AHDC1: variants seen among roughly 807,000 people sequenced by gnomAD.
AHDC1 encodes the protein AT-hook DNA binding motif containing 1, also known as transcription factor Gibbin.
AHDC1 carries 7 observed loss-of-function variants against 87.9 expected under a neutral mutation model. The observed-to-expected ratio is 0.08, with a 90% CI of 0.05 to 0.15. The LOEUF is 0.15. Ranked by LOEUF, AHDC1 falls within the 10% of genes least tolerant of loss-of-function variation. The pLI, the probability that AHDC1 is intolerant of heterozygous loss-of-function variation, is 1.00. For synonymous variants in AHDC1, 1,051 were observed against 1,006.8 expected (o/e 1.04, Z -0.83); for missense variants, 1,841 against 2,253.2 (o/e 0.82, Z 3.70).
intron 5 of AHDC1, among the ~76,000 whole-genome samples, chr1:27,553,792 G>A (rs1024123510): frequency 3.3e-5 from 5 of 152,276 alleles, no homozygotes; most frequent in South Asian, 2.1e-4. Context: ...TTGGCCAGGC[G>A]CAGGGGCTCA....
intron 3 of AHDC1, among the ~76,000 whole-genome samples, chr1:27,568,616 G>A (rs2020426660): frequency 6.6e-6 from 1 of 151,944 alleles, no homozygotes; most frequent in Admixed American, 6.5e-5. Flanking sequence ...CCGGGCTCCC[G>A]GAGATTGGTA....
chr1:27,547,824 C>G lies in AHDC1; in HGVS notation c.4292G>C (p.Gly1431Ala), dbSNP rs1399286223. The G allele has an allele frequency of 6.5e-7, 1 of 1,550,294 alleles. No homozygotes were observed. Among genetic ancestry groups the G allele is most frequent in the Non-Finnish European group, 8.7e-7 (1 of 1,146,258 alleles). The change falls in exon 8 of 9, where the codon GGG (glycine) becomes GCG (alanine). Residue 1431 changes from glycine to alanine, a missense_variant. Around this residue, in one of 13 missense-constraint regions of AHDC1, gnomAD observed 505 missense variants for 626.2 expected, o/e 0.81. Coordinates refer to ENST00000673934, the MANE Select transcript of AHDC1 (RefSeq NM_001371928.1). This position sits in a 1 kb window ranked among gnomAD's most constrained non-coding sequence, Gnocchi z 4.9. ...ACEPLKHGLQ[G>A]ASLGHAAAAQ... ...TGCAGCTGCGTGGCCCAGGCTGGCC[C>G]CCTGGAGTCCATGCTTGAGGGGCTC...
chr1:27,591,779 C>T (rs2089229607), intron 3 of AHDC1, among the ~76,000 whole-genome samples: 1 of 152,210 alleles, frequency 6.6e-6, no homozygotes, highest in African/African-American at 2.4e-5. Flanking sequence ...TTTTCTCAGC[C>T]TCAGATTCCC....
In AHDC1 at chr1:27,550,267, C is replaced by T. The variant is rs771954132; in HGVS notation, c.1849G>A (p.Ala617Thr). The change falls in exon 8 of 9, where the codon GCC becomes ACC. Residue 617 changes from alanine to threonine, a missense_variant. Physicochemically the swap from Ala to Thr is moderately conservative, Grantham distance 58. Transcript: ENST00000673934. ...DSKAEYSDVL[A>T]KLAFLNRQSQ... Reference sequence around the variant, plus strand: ...TGGCGGTTCAGGAAGGCCAGCTTGGCCAGGACGTCTGAGTACTCGGCCTTG... The same window carrying T: ...TGGCGGTTCAGGAAGGCCAGCTTGGTCAGGACGTCTGAGTACTCGGCCTTG... The T allele has an allele frequency of 8.1e-6, 13 of 1,613,894 alleles. No individual in the cohort carries two copies. The highest frequency in any genetic ancestry group is 1.1e-5 in the Non-Finnish European group (13 of 1,179,992).
chr1:27,547,456 C>T lies in AHDC1; in HGVS notation c.4660G>A (p.Asp1554Asn), dbSNP rs556157635. The change falls in exon 8 of 9, where the codon GAC (aspartate) becomes AAC (asparagine). Residue 1554 changes from aspartate to asparagine, a missense_variant. Around this residue, in one of 13 missense-constraint regions of AHDC1, gnomAD observed 505 missense variants for 626.2 expected, o/e 0.81. Transcript: ENST00000673934. The surrounding 1 kb of genome is among the most constrained non-coding windows in gnomAD (Gnocchi z 4.9). ...SDLTLSPVPR[D>N]SLLPLQDTAY... Reference sequence around the variant, plus strand: ...GTGTCCTGCAGGGGCAGCAGCGAGTCCCTCGGCACGGGGGACAGGGTCAAG... The same window carrying T: ...GTGTCCTGCAGGGGCAGCAGCGAGTTCCTCGGCACGGGGGACAGGGTCAAG... 8 of 1,592,052 alleles carry T rather than the reference C, an allele frequency of 5.0e-6. No homozygotes were observed. The South Asian group carries it at 7.8e-5, about 16-fold the overall frequency.
chr1:27,564,769 C>T (rs1428342658), intron 3 of AHDC1, among the ~76,000 whole-genome samples: 1 of 152,162 alleles, frequency 6.6e-6, no homozygotes, highest in East Asian at 1.9e-4. Context: ...CTAAACCCCA[C>T]TTGGCCCAAA....
At chr1:27,541,622 G>A (rs1037791707) in intron 8 of AHDC1, among the ~76,000 whole-genome samples, 1 of 140,408 alleles carries the variant, frequency 7.1e-6, no homozygotes, top group African/African-American at 2.7e-5. Flanking sequence ...CCCGGCCCAT[G>A]TGGAGGTTTT....
Position 27,590,745 on chromosome 1 carries a change from C to G in AHDC1, c.-629+12652G>C, listed in dbSNP as rs747926184. ...CTCCGCCCTACTCATCACAATGAGT[C>G]AGAGGCAAAATCCAGTCATCTGGAC... On this transcript the variant is annotated intron_variant, in intron 3 of 8. Coordinates refer to ENST00000673934, the MANE Select transcript of AHDC1 (RefSeq NM_001371928.1). This position sits in a 1 kb window ranked among gnomAD's most constrained non-coding sequence, Gnocchi z 5.4. 2.6e-5 allele frequency among the ~76,000 whole-genome samples: 4 copies of G among 152,172 alleles called. No homozygotes were observed. Among genetic ancestry groups the G allele is most frequent in the Non-Finnish European group, 5.9e-5 (4 of 68,040 alleles).
rs1407819876 is a variant in AHDC1 at position 27,582,754 on chromosome 1, C to T, written c.-629+20643G>A. ...AAGCACTCCTCACAGAGCATCTCAT[C>T]GGAGGGGTCAGGTACTTTGATGACC... On this transcript the variant is annotated intron_variant, in intron 3 of 8. Coordinates refer to ENST00000673934, the MANE Select transcript of AHDC1 (RefSeq NM_001371928.1). Among the ~76,000 whole-genome samples the T allele has an allele frequency of 3.2e-4, 48 of 152,194 alleles. 1 individual carries two copies. The highest frequency in any genetic ancestry group is 2.7e-3 in the Admixed American group (42 of 15,278).
chr1:27,592,583 C>G (rs76966948), intron 3 of AHDC1, among the ~76,000 whole-genome samples: 1 of 150,906 alleles, frequency 6.6e-6, no homozygotes, highest in Admixed American at 6.6e-5. Context: ...CTCCCCCCCC[C>G]AGGCCCTGCT....
intron 8 of AHDC1, among the ~76,000 whole-genome samples, chr1:27,546,271 C>A (rs1041159597): frequency 2.0e-5 from 3 of 152,222 alleles, no homozygotes; most frequent in Non-Finnish European, 2.9e-5. Flanking sequence ...GGCTGTTCTT[C>A]AAGAAGATGG....
rs543361250 is a variant in AHDC1, at chr1:27,586,057, G to C, written c.-629+17340C>G. Among the ~76,000 whole-genome samples, 17 of 152,320 alleles carry C rather than the reference G, an allele frequency of 1.1e-4. No homozygotes were observed. The East Asian group carries it at 2.9e-3, about 26-fold the overall frequency. ...GGGCATGCTGTCTGGGCACTGGGGT[G>C]GGGGAGAGGGGAAAGGAGCTGCTGT... On this transcript the variant is annotated intron_variant, in intron 3 of 8. Transcript: ENST00000673934.
At position 27,558,069 on chromosome 1, in the gene AHDC1, T is replaced by C. The variant is rs2019906900; in HGVS notation, c.-225+236A>G. On this transcript the variant is annotated intron_variant, in intron 5 of 8. Transcript: ENST00000673934. This position sits in a 1 kb window ranked among gnomAD's most constrained non-coding sequence, Gnocchi z 5.6. ...ATGCTCCTTTGGAAGTAGGGTGGGG[T>C]CCCCAGGCAGGCTCAGCTCTAGGGA... Among the ~76,000 whole-genome samples the C allele has an allele frequency of 6.6e-6, 1 of 152,092 alleles. No individual in the cohort carries two copies. Among genetic ancestry groups the C allele is most frequent in the African/African-American group, 2.4e-5 (1 of 41,390 alleles).
intron 3 of AHDC1, among the ~76,000 whole-genome samples, chr1:27,601,684 G>T (rs1409850344): frequency 6.6e-6 from 1 of 152,190 alleles, no homozygotes; most frequent in Non-Finnish European, 1.5e-5. Flanking sequence ...CACCTGGGGG[G>T]TCCCCCCACA....
At chr1:27,571,482 C>T (rs534768221) in intron 3 of AHDC1, among the ~76,000 whole-genome samples, 3 of 151,988 alleles carry the variant, frequency 2.0e-5, no homozygotes, top group Non-Finnish European at 4.4e-5. Flanking sequence ...GGGGTCAGAC[C>T]GGACAGGCTT....
intron 7 of AHDC1, 137 bp from the exon 8 acceptor site, chr1:27,552,326 C>T: frequency 2.5e-6 from 2 of 806,970 alleles, no homozygotes; most frequent in Non-Finnish European, 3.4e-6. Flanking sequence ...CACCCCAAGC[C>T]CCATCCCCTT....
chr1:27,574,843 G>A (rs186948338), intron 3 of AHDC1, among the ~76,000 whole-genome samples: 65 of 152,258 alleles, frequency 4.3e-4, no homozygotes, highest in East Asian at 1.9e-4. Flanking sequence ...GCCCTGAGAG[G>A]TCACATACCT....
chr1:27,577,604 G>A (rs576532643), intron 3 of AHDC1, among the ~76,000 whole-genome samples: 132 of 152,180 alleles, frequency 8.7e-4, no homozygotes, highest in Non-Finnish European at 1.6e-3. Flanking sequence ...CCCAAGCAAG[G>A]AAGCACAAAG....
intron 8 of AHDC1, among the ~76,000 whole-genome samples, chr1:27,541,018 A>C (rs1390999620): frequency 1.3e-5 from 2 of 150,542 alleles, no homozygotes; most frequent in Non-Finnish European, 3.0e-5. Context: ...AAAAAAAAAA[A>C]AAAAAAAACA....
Sources: gnomAD v4.1 joint callset for allele counts (sites outside exome capture counted in the v4.1 genomes callset) on GRCh38, gnomAD v4.1.1 for gene constraint, gnomAD v4.1.1 regional missense constraint, Gnocchi (gnomAD v3.1) non-coding constraint, MANE v1.5 for transcripts, NCBI Gene and HGNC (gene_info 2026-07-23, HGNC 2026-07-21) for gene names.